The following SYMPK variants were observed in gnomAD, a reference collection of about 807,000 sequenced individuals.
SYMPK encodes symplekin.
In SYMPK, 49 loss-of-function variants were observed where a neutral mutation model predicts 136.4. The ratio of observed to expected loss-of-function variants is 0.36; its 90% CI spans 0.29 to 0.46. SYMPK has a LOEUF of 0.46. Among genes scored for constraint, SYMPK ranks in the 20% least tolerant of loss-of-function variants. The pLI, the probability that SYMPK is intolerant of heterozygous loss-of-function variation, is 1.00. For synonymous variants in SYMPK, 766 were observed against 713.0 expected, an observed-to-expected ratio of 1.07 and a Z score of -1.19; for missense variants, 1,365 against 1,690.0, an observed-to-expected ratio of 0.81 and a Z score of 3.37.
At chr19:45,832,737 TG>T (rs1971211016) in intron 11 of SYMPK, among the ~76,000 whole-genome samples, 1 of 150,818 alleles carries the variant, frequency 6.6e-6, no homozygotes, top group Non-Finnish European at 1.5e-5. Flanking sequence ...AGGCTGGGCG[TG>T]GTGGCTCACA....
rs1177363682 is a variant in SYMPK, at chr19:45,818,110, G to A, written c.2930C>T (p.Thr977Met). Residue 977 changes from threonine (T) to methionine (M), a missense_variant, in exon 23 of 27, where the codon ACG becomes ATG. By Grantham distance (81) the Thr-to-Met change is moderately conservative (BLOSUM62 -1). Around this residue, in one of 11 missense-constraint regions of SYMPK, gnomAD observed 156 missense variants for 217.8 expected, o/e 0.72. Transcript: ENST00000245934. Reference protein sequence around the residue: ...NLCFAERNVYTSEVLAVVMQQ... With the variant: ...NLCFAERNVYMSEVLAVVMQQ... Reference sequence around the variant, plus strand: ...CATCACCACGGCCAGCACCTCTGACGTGTACACGTTCCGCTCCGCAAAGCA... The same window carrying A: ...CATCACCACGGCCAGCACCTCTGACATGTACACGTTCCGCTCCGCAAAGCA... The A allele has an allele frequency of 5.1e-6, 8 of 1,555,392 alleles. No individual in the cohort carries two copies. The highest frequency in any genetic ancestry group is 7.0e-6 in the Non-Finnish European group (8 of 1,149,436).
intron 13 of SYMPK, 98 bp from the exon 14 acceptor site, chr19:45,829,303 T>C (rs1173949771): frequency 2.8e-6 from 3 of 1,069,268 alleles, no homozygotes; most frequent in Non-Finnish European, 4.1e-6. Context: ...GCAGGAACTC[T>C]CAGAGCAGAC....
chr19:45,861,912 G>A (rs1332026131), intron 1 of SYMPK: 1 of 151,682 alleles, frequency 6.6e-6, no homozygotes, highest in Non-Finnish European at 1.5e-5. Context: ...GGGTGTGGTG[G>A]GGCACGTTTG....
In SYMPK at chr19:45,818,001, C is replaced by A. The variant is rs764758407; in HGVS notation, c.3039G>T (p.Gly1013=). 2 of 1,582,230 alleles carry A rather than the reference C, an allele frequency of 1.3e-6. No homozygotes were observed. Among genetic ancestry groups the A allele is most frequent in the Admixed American group, 3.6e-5 (2 of 55,318 alleles). The change falls in exon 23 of 27, where the codon GGG becomes GGT. Residue 1013 remains glycine, a synonymous_variant. Transcript: ENST00000245934. ...IQSLTMYPRL[G]GFVMNILSRL... is the part of the protein sequence containing the mutation. ...GGGACAGGATGTTCATGACGAAGCCCCCCAGGCGGGGGTACATGGTCAGGG... is the reference window on the plus strand; with the variant it reads ...GGGACAGGATGTTCATGACGAAGCCACCCAGGCGGGGGTACATGGTCAGGG...
At chr19:45,825,116 G>T in intron 18 of SYMPK, 55 bp downstream of exon 18, 1 of 1,577,552 alleles carries the variant, frequency 6.3e-7, no homozygotes. Context: ...AGCTGGAGCT[G>T]GGGACACAGC....
rs1970886510 is a variant in SYMPK, at chr19:45,821,303, C to T, written c.2893+81G>A. 1 of 1,041,192 alleles carries T rather than the reference C, an allele frequency of 9.6e-7. No homozygotes were observed. The highest frequency in any genetic ancestry group is 1.5e-6 in the Non-Finnish European group (1 of 665,590). 64.5% of individuals were successfully genotyped at this position (1,041,192 alleles called of 1,614,324 possible). On this transcript the variant is annotated intron_variant, in intron 22 of 26. Coordinates refer to ENST00000245934, the MANE Select transcript of SYMPK (RefSeq NM_004819.3). The surrounding 1 kb of genome is among the most constrained non-coding windows in gnomAD (Gnocchi z 4.4). ...TGACAGTCTTTGACTTGGCAGATTC[C>T]AGTGGGGGCATGTGGGTGACTGAGG...
intron 6 of SYMPK, among the ~76,000 whole-genome samples, 162 bp downstream of exon 6, chr19:45,848,588 C>T (rs1971621551): frequency 6.6e-6 from 1 of 152,198 alleles, no homozygotes; most frequent in African/African-American, 2.4e-5. Context: ...ACTTCCTGAC[C>T]TAGGAGACAA....
At chr19:45,831,729 G>T in intron 11 of SYMPK, 141 bp from the exon 12 acceptor site, 1 of 542,376 alleles carries the variant, frequency 1.8e-6, no homozygotes, top group Non-Finnish European at 3.0e-6. Flanking sequence ...TCCTGGAGTG[G>T]GTACTCTTTT....
chr19:45,859,281 C>T (rs1159350272), intron 1 of SYMPK, among the ~76,000 whole-genome samples: 1 of 146,778 alleles, frequency 6.8e-6, no homozygotes, highest in Non-Finnish European at 1.5e-5. Context: ...CTCACTACTG[C>T]ACTTGACAAG....
At chr19:45,833,787 G>T (rs76258560) in intron 11 of SYMPK, among the ~76,000 whole-genome samples, 21,636 of 151,972 alleles carry the variant, frequency 0.14, 1,597 homozygotes, top group South Asian at 0.18. Context: ...AAAACACAAG[G>T]GTAAAATTCC....
intron 25 of SYMPK, 135 bp downstream of exon 25, chr19:45,816,347 C>T: frequency 7.7e-7 from 1 of 1,302,956 alleles, no homozygotes. Flanking sequence ...GGAGCATCCC[C>T]TGGGAGACGG....
At position 45,818,009 on chromosome 19, in the gene SYMPK, G is replaced by A. The variant is rs758945123; in HGVS notation, c.3031C>T (p.Arg1011Cys). 2.2e-5 allele frequency: 35 copies of A among 1,580,602 alleles called. No individual in the cohort carries two copies. Among genetic ancestry groups the A allele is most frequent in the Non-Finnish European group, 2.8e-5 (32 of 1,163,004 alleles). ...ATGTTCATGACGAAGCCCCCCAGGC[G>A]GGGGTACATGGTCAGGGACTGGATG... ...TVIQSLTMYPRLGGFVMNILS... is the reference protein window; with the variant it reads ...TVIQSLTMYPCLGGFVMNILS... Residue 1011 changes from arginine (R) to cysteine (C), a missense_variant, in exon 23 of 27, where the codon CGC becomes TGC. Arg to Cys is a radical substitution (Grantham distance 180, BLOSUM62 -3). This residue lies in a region of SYMPK where 156 missense variants were observed against 217.8 expected (regional missense o/e 0.72). Transcript: ENST00000245934.
intron 9 of SYMPK, among the ~76,000 whole-genome samples, chr19:45,841,582 T>C (rs1971437903): frequency 6.6e-6 from 1 of 152,192 alleles, no homozygotes; most frequent in Non-Finnish European, 1.5e-5. Flanking sequence ...CGTGAGCCAC[T>C]GCGCCCAGCC....
chr19:45,856,826 A>G (rs1317024032), intron 1 of SYMPK, among the ~76,000 whole-genome samples: 1 of 151,818 alleles, frequency 6.6e-6, no homozygotes. Flanking sequence ...CCTGTCTCAG[A>G]AACAAACAGG....
chr19:45,858,676 T>C (rs1037831461), intron 1 of SYMPK, among the ~76,000 whole-genome samples: 5 of 151,998 alleles, frequency 3.3e-5, no homozygotes, highest in African/African-American at 1.2e-4. Flanking sequence ...CCACCACGCC[T>C]GGCTAATTTT....
In SYMPK at chr19:45,821,250, C is replaced by T. The variant is rs747892505; in HGVS notation, c.2893+134G>A. 9.4e-6 allele frequency: 7 copies of T among 741,986 alleles called. No individual in the cohort carries two copies. Among genetic ancestry groups the T allele is most frequent in the East Asian group, 7.8e-5 (3 of 38,386 alleles). 46.0% of individuals were successfully genotyped at this position (741,986 alleles called of 1,614,324 possible). On this transcript the variant is annotated intron_variant, in intron 22 of 26. Coordinates refer to ENST00000245934, the MANE Select transcript of SYMPK (RefSeq NM_004819.3). The surrounding 1 kb of genome is among the most constrained non-coding windows in gnomAD (Gnocchi z 4.4). ...AAAGGAGGGAGGGAGGGAGGTGGCT[C>T]TCCAGAGCTCTGAGGTGGGGCTGTG...
At chr19:45,834,515 AGCTCAT>A (rs1971258875) in intron 11 of SYMPK, among the ~76,000 whole-genome samples, 1 of 111,922 alleles carries the variant, frequency 8.9e-6, no homozygotes. Context: ...AGCTATGTTT[AGCTCAT>A]TATGAGCTAA....
chr19:45,827,722 G>A (rs536144315), intron 15 of SYMPK, 99 bp from the exon 16 acceptor site: 30 of 1,484,770 alleles, frequency 2.0e-5, no homozygotes, highest in Middle Eastern at 3.5e-4. Context: ...GGACAAAAGG[G>A]CCCGGTCCCT....
At chr19:45,833,285 C>T (rs527357601) in intron 11 of SYMPK, among the ~76,000 whole-genome samples, 173 of 152,134 alleles carry the variant, frequency 1.1e-3, no homozygotes, top group African/African-American at 2.8e-3. Context: ...ACTTTGTGAT[C>T]CTATTTAGTT....
Sources: gnomAD v4.1 joint callset for allele counts (sites outside exome capture counted in the v4.1 genomes callset) on GRCh38, gnomAD v4.1.1 for gene constraint, gnomAD v4.1.1 regional missense constraint, Gnocchi (gnomAD v3.1) non-coding constraint, MANE v1.5 for transcripts, NCBI Gene and HGNC (gene_info 2026-07-23, HGNC 2026-07-21) for gene names.